Variants in ADCY2 observed in about 807,000 individuals in gnomAD.
ADCY2 encodes the protein adenylate cyclase 2.
In ADCY2, 31 loss-of-function variants were observed where a neutral mutation model predicts 125.2. That is an observed-to-expected ratio of 0.25 (90% CI 0.19 to 0.33). The LOEUF (loss-of-function observed/expected upper bound fraction) is 0.33, where lower values mean the gene tolerates loss of function less well. ADCY2 is among the 10% of genes least tolerant of loss of function. The pLI, the probability that ADCY2 is intolerant of heterozygous loss-of-function variation, is 1.00. For missense variants in ADCY2, 904 were observed against 1,418.2 expected (o/e 0.64, Z 5.82); for synonymous variants, 512 against 548.4 (o/e 0.93, Z 0.93).
chr5:7,820,866 T>TAAC (rs986178379), intron 24 of ADCY2, among the ~76,000 whole-genome samples, 177 bp downstream of exon 24: 2 of 152,198 alleles, frequency 1.3e-5, no homozygotes, highest in Non-Finnish European at 2.9e-5. Flanking sequence ...TATTGACTGT[T>TAAC]AACAACAACA....
intron 3 of ADCY2, among the ~76,000 whole-genome samples, chr5:7,570,313 C>T (rs1736028462): frequency 6.6e-6 from 1 of 152,094 alleles, no homozygotes; most frequent in South Asian, 2.1e-4. Flanking sequence ...TCATGAGAAA[C>T]TTAAATGGAC....
chr5:7,510,239 A>G (rs557932328), intron 2 of ADCY2, among the ~76,000 whole-genome samples: 1 of 152,238 alleles, frequency 6.6e-6, no homozygotes, highest in African/African-American at 2.4e-5. Flanking sequence ...AAGATGCATA[A>G]TTATTCTTCC....
intron 2 of ADCY2, among the ~76,000 whole-genome samples, chr5:7,435,330 T>A (rs1402235645): frequency 1.3e-5 from 2 of 152,202 alleles, no homozygotes; most frequent in Non-Finnish European, 1.5e-5. Flanking sequence ...AAACCTGGGC[T>A]TAGTTTTGGC....
intron 3 of ADCY2, among the ~76,000 whole-genome samples, chr5:7,569,741 A>C (rs1736015306): frequency 1.3e-5 from 2 of 152,108 alleles, no homozygotes; most frequent in Admixed American, 6.6e-5. Context: ...CCATAGTTGA[A>C]ATGGTGAACT....
At chr5:7,687,698 C>T (rs1740562356) in intron 4 of ADCY2, among the ~76,000 whole-genome samples, 1 of 152,112 alleles carries the variant, frequency 6.6e-6, no homozygotes, top group African/African-American at 2.4e-5. Context: ...GGAAAGCATA[C>T]ATTCAGGAAG....
intron 22 of ADCY2, among the ~76,000 whole-genome samples, chr5:7,809,190 CAG>C (rs1031147865): frequency 6.6e-6 from 1 of 152,098 alleles, no homozygotes; most frequent in Admixed American, 6.5e-5. Flanking sequence ...TCAAATAGAA[CAG>C]AGATAAGAGT....
At chr5:7,496,544 A>G (rs1344526495) in intron 2 of ADCY2, among the ~76,000 whole-genome samples, 2 of 152,196 alleles carry the variant, frequency 1.3e-5, no homozygotes, top group Non-Finnish European at 1.5e-5. Flanking sequence ...AAGCTTTAAT[A>G]TTTAATTTTT....
chr5:7,677,203 A>C (rs1453844449), intron 4 of ADCY2, among the ~76,000 whole-genome samples: 1 of 152,068 alleles, frequency 6.6e-6, no homozygotes, highest in African/African-American at 2.4e-5. Flanking sequence ...GCTTGAACGC[A>C]GGAGGTGGAG....
At chr5:7,677,744 C>T (rs1740181683) in intron 4 of ADCY2, among the ~76,000 whole-genome samples, 2 of 152,194 alleles carry the variant, frequency 1.3e-5, no homozygotes, top group African/African-American at 2.4e-5. Context: ...TACCTAGCCA[C>T]CCAGCCCACT....
At chr5:7,786,426 A>C (rs1374800989) in intron 19 of ADCY2, among the ~76,000 whole-genome samples, 1 of 152,246 alleles carries the variant, frequency 6.6e-6, no homozygotes, top group Non-Finnish European at 1.5e-5. Context: ...TTGGTTTATT[A>C]AATGATAGTA....
At chr5:7,652,412 G>A (rs991083872) in intron 4 of ADCY2, among the ~76,000 whole-genome samples, 13 of 152,158 alleles carry the variant, frequency 8.5e-5, no homozygotes, top group South Asian at 4.2e-4. Context: ...AGTGTCAACC[G>A]TAAAATACTT....
In ADCY2 at chr5:7,414,682, G is replaced by A. The variant is rs1267251314; in HGVS notation, c.320G>A (p.Arg107His). 5.6e-6 allele frequency: 9 copies of A among 1,613,666 alleles called. No homozygotes were observed. The highest frequency in any genetic ancestry group is 4.4e-5 in the South Asian group (4 of 90,960). Residue 107 changes from arginine (R) to histidine (H), a missense_variant, in exon 2 of 25, where the codon CGC (arginine) becomes CAC (histidine). Arg to His is a conservative substitution (Grantham distance 29, BLOSUM62 0). Coordinates refer to ENST00000338316, the MANE Select transcript of ADCY2 (RefSeq NM_020546.3). ...CIESVFKKLL[R>H]LFSLVIWICL... ...GAGTCTGTGTTTAAGAAGCTGCTGC[G>A]CCTCTTCTCGTTGGTGATATGGATA...
intron 2 of ADCY2, among the ~76,000 whole-genome samples, chr5:7,419,849 C>T (rs140202310): frequency 3.4e-4 from 52 of 152,286 alleles, no homozygotes; most frequent in Middle Eastern, 3.4e-3. Flanking sequence ...TGGTCTGGAC[C>T]CAGTGCCAGA....
chr5:7,632,139 C>T (rs1401438222), intron 4 of ADCY2, among the ~76,000 whole-genome samples: 2 of 152,122 alleles, frequency 1.3e-5, no homozygotes, highest in Admixed American at 6.5e-5. Context: ...ATAAATGTCA[C>T]GCCTGAGCTT....
At chr5:7,775,661 G>C (rs1030998909) in intron 18 of ADCY2, among the ~76,000 whole-genome samples, 1 of 152,174 alleles carries the variant, frequency 6.6e-6, no homozygotes, top group Non-Finnish European at 1.5e-5. Context: ...AAAGTGCTGG[G>C]ATTACAGGCA....
chr5:7,807,618 A>C, intron 22 of ADCY2, among the ~76,000 whole-genome samples: 1 of 151,868 alleles, frequency 6.6e-6, no homozygotes, highest in South Asian at 2.1e-4. Flanking sequence ...CTCTCCTAAG[A>C]CTTTATCTAT....
intron 3 of ADCY2, among the ~76,000 whole-genome samples, chr5:7,542,058 G>A (rs769323960): frequency 1.6e-4 from 24 of 152,214 alleles, no homozygotes; most frequent in Non-Finnish European, 2.8e-4. Flanking sequence ...CTACACAGAA[G>A]GACATGTCGC....
At chr5:7,702,165 A>T (rs1271109677) in intron 7 of ADCY2, among the ~76,000 whole-genome samples, 1 of 151,102 alleles carries the variant, frequency 6.6e-6, no homozygotes, top group Admixed American at 6.6e-5. Flanking sequence ...GCCGAGGTGG[A>T]CTGATCACCT....
chr5:7,465,112 T>G (rs994364410), intron 2 of ADCY2, among the ~76,000 whole-genome samples: 3 of 152,228 alleles, frequency 2.0e-5, no homozygotes, highest in South Asian at 2.1e-4. Flanking sequence ...ATGATTCAGT[T>G]ATCTCCCACT....
Sources: allele counts gnomAD v4.1 joint callset (sites outside exome capture counted in the v4.1 genomes callset), GRCh38; gene constraint gnomAD v4.1.1; transcripts MANE v1.5; gene names NCBI Gene and HGNC (gene_info 2026-07-23, HGNC 2026-07-21).